ADAMTS6: variants seen among roughly 807,000 people sequenced by gnomAD.
The protein encoded by ADAMTS6 is ADAM metallopeptidase with thrombospondin type 1 motif 6.
ADAMTS6 carries 23 observed loss-of-function variants against 144.3 expected under a neutral mutation model. The observed-to-expected ratio is 0.16, with a 90% confidence interval of 0.11 to 0.23. ADAMTS6 has a LOEUF of 0.23. Ranked by LOEUF, ADAMTS6 falls within the 10% of genes least tolerant of loss-of-function variation. The pLI, the probability that ADAMTS6 is intolerant of heterozygous loss-of-function variation, is 1.00. For synonymous variants in ADAMTS6, 444 were observed against 457.5 expected (o/e 0.97, Z 0.38); for missense variants, 999 against 1,379.6 (o/e 0.72, Z 4.37).
At chr5:65,348,893 G>A (rs573686238) in intron 7 of ADAMTS6, among the ~76,000 whole-genome samples, 220 of 152,030 alleles carry the variant, frequency 1.4e-3, no homozygotes, top group Non-Finnish European at 2.8e-3. Flanking sequence ...AGCATATAAT[G>A]AAAATGCTTT....
At chr5:65,265,568 T>A (rs973815454) in intron 12 of ADAMTS6, among the ~76,000 whole-genome samples, 1 of 152,016 alleles carries the variant, frequency 6.6e-6, no homozygotes. Flanking sequence ...TGGCCAGCAA[T>A]TAACTGCTTT....
chr5:65,160,610 T>A (rs1477734371), intron 24 of ADAMTS6, among the ~76,000 whole-genome samples: 2 of 143,166 alleles, frequency 1.4e-5, no homozygotes, highest in Non-Finnish European at 3.0e-5. Context: ...GGCCTCCAAC[T>A]TTCTTCTTAA....
At chr5:65,382,687 A>C (rs1462282920) in intron 7 of ADAMTS6, among the ~76,000 whole-genome samples, 1 of 152,164 alleles carries the variant, frequency 6.6e-6, no homozygotes, top group Non-Finnish European at 1.5e-5. Context: ...CTAGGCCTGG[A>C]GTAGTCTTCT....
At chr5:65,406,475 C>A (rs963587817) in intron 7 of ADAMTS6, among the ~76,000 whole-genome samples, 1 of 152,104 alleles carries the variant, frequency 6.6e-6, no homozygotes, top group Non-Finnish European at 1.5e-5. Context: ...GTTAAACAAG[C>A]CTTGCATCCC....
At chr5:65,462,003 A>T (rs1408602114) in intron 3 of ADAMTS6, among the ~76,000 whole-genome samples, 1 of 152,172 alleles carries the variant, frequency 6.6e-6, no homozygotes, top group East Asian at 1.9e-4. Context: ...ACCTACATGA[A>T]ATGAGCTGAG....
At chr5:65,161,524 C>A (rs1376391446) in intron 24 of ADAMTS6, among the ~76,000 whole-genome samples, 1 of 152,126 alleles carries the variant, frequency 6.6e-6, no homozygotes, top group Non-Finnish European at 1.5e-5. Context: ...GAAAATGTTA[C>A]CTCATTGGTC....
chr5:65,302,091 CCAAAA>C (rs1561397953), intron 9 of ADAMTS6, among the ~76,000 whole-genome samples: 1 of 51,878 alleles, frequency 1.9e-5, no homozygotes, highest in African/African-American at 1.1e-4. Flanking sequence ...GGCTCTGTCT[CCAAAA>C]AAAAAAAAAA....
intron 18 of ADAMTS6, among the ~76,000 whole-genome samples, chr5:65,220,055 C>T (rs906486854): frequency 6.6e-6 from 1 of 152,034 alleles, no homozygotes; most frequent in African/African-American, 2.4e-5. Context: ...GGAATACTAA[C>T]CCCAAAATAG....
At chr5:65,226,063 GA>G in intron 16 of ADAMTS6, 22 bp downstream of exon 16, 1 of 1,584,458 alleles carries the variant, frequency 6.3e-7, no homozygotes, top group Non-Finnish European at 8.6e-7. Flanking sequence ...AACCCCAACA[GA>G]AAGGAGTAAA....
intron 1 of ADAMTS6, among the ~76,000 whole-genome samples, chr5:65,478,811 T>A (rs932885475): frequency 6.6e-6 from 1 of 152,236 alleles, no homozygotes; most frequent in African/African-American, 2.4e-5. Context: ...ATTTCACATA[T>A]GCTTTTCTCC....
chr5:65,376,187 ACCAGCATGGCACAT>A (rs1751523426), intron 7 of ADAMTS6, among the ~76,000 whole-genome samples: 1 of 152,194 alleles, frequency 6.6e-6, no homozygotes, highest in African/African-American at 2.4e-5. Context: ...GGTGCAGCGC[ACCAGCATGGCACAT>A]GTATACATAT....
At chr5:65,243,508 T>G (rs1317795448) in intron 14 of ADAMTS6, among the ~76,000 whole-genome samples, 1 of 152,178 alleles carries the variant, frequency 6.6e-6, no homozygotes, top group African/African-American at 2.4e-5. Context: ...AAAATGTTTT[T>G]AGCACATTAA....
chr5:65,171,520 T>G lies in ADAMTS6; in HGVS notation c.3088-747A>C, dbSNP rs140938094. Among the ~76,000 whole-genome samples the G allele has an allele frequency of 2.6e-3, 400 of 152,016 alleles. 3 individuals carry two copies. Among genetic ancestry groups the G allele is most frequent in the African/African-American group, 7.8e-3 (325 of 41,508 alleles). On this transcript the variant is annotated intron_variant, in intron 23 of 24. Coordinates refer to ENST00000381055, the MANE Select transcript of ADAMTS6 (RefSeq NM_197941.4). The stretch of plus-strand genomic sequence containing the variant: ...CTGGTGAACTCTAGCAGGAGTGTCA[T>G]GAGAAAATCCTTGTGATGAAGTAGA...
chr5:65,153,605 CAGAA>C (rs1339301275), intron 24 of ADAMTS6, among the ~76,000 whole-genome samples: 1 of 152,134 alleles, frequency 6.6e-6, no homozygotes, highest in Non-Finnish European at 1.5e-5. Context: ...TATTGCCTGA[CAGAA>C]AGGAAGCAAG....
intron 12 of ADAMTS6, among the ~76,000 whole-genome samples, chr5:65,269,427 A>C (rs1761887111): frequency 6.6e-6 from 1 of 152,198 alleles, no homozygotes; most frequent in African/African-American, 2.4e-5. Flanking sequence ...AGAAAAATGA[A>C]AAATCTGTTT....
intron 7 of ADAMTS6, among the ~76,000 whole-genome samples, chr5:65,401,428 G>A (rs1263999080): frequency 1.3e-5 from 2 of 152,120 alleles, no homozygotes; most frequent in Non-Finnish European, 2.9e-5. Flanking sequence ...GAGTGCTCTG[G>A]CAAATTCCCA....
At chr5:65,201,564 C>T (rs1755741099) in intron 20 of ADAMTS6, among the ~76,000 whole-genome samples, 2 of 152,206 alleles carry the variant, frequency 1.3e-5, no homozygotes, top group East Asian at 3.9e-4. Context: ...CTTCTCAACT[C>T]TACTCATCAG....
At chr5:65,304,074 T>A (rs1743707131) in intron 9 of ADAMTS6, among the ~76,000 whole-genome samples, 1 of 152,200 alleles carries the variant, frequency 6.6e-6, no homozygotes, top group Non-Finnish European at 1.5e-5. Flanking sequence ...CAATTAACAA[T>A]CTTTATAGTT....
chr5:65,459,124 G>A (rs180747987), intron 4 of ADAMTS6, among the ~76,000 whole-genome samples: 48 of 150,142 alleles, frequency 3.2e-4, no homozygotes, highest in Admixed American at 2.1e-3. Flanking sequence ...CTATCCTCCC[G>A]CCTCTTGCCT....
Sources: allele counts gnomAD v4.1 joint callset (sites outside exome capture counted in the v4.1 genomes callset), GRCh38; gene constraint gnomAD v4.1.1; transcripts MANE v1.5; gene names NCBI Gene and HGNC (gene_info 2026-07-23, HGNC 2026-07-21).